The following STARD9 variants were observed in gnomAD, a reference collection of about 807,000 sequenced individuals.
STARD9 encodes StAR related lipid transfer domain containing 9, also known as stAR-related lipid transfer protein 9.
In STARD9, 346 loss-of-function variants were observed where a neutral mutation model predicts 399.8. The observed-to-expected ratio is 0.87, with a 90% CI of 0.79 to 0.95. STARD9 has a LOEUF of 0.95. Among genes scored for constraint, STARD9 ranks in the 40% least tolerant of loss-of-function variants. The pLI is 0.00. For missense variants in STARD9, 5,832 were observed against 5,667.5 expected (o/e 1.03, Z -0.93); for synonymous variants, 2,203 against 2,143.5 (o/e 1.03, Z -0.77).
At chr15:42,713,479 A>AGGAG (rs2061289174) in intron 26 of STARD9, among the ~76,000 whole-genome samples, 1 of 152,154 alleles carries the variant, frequency 6.6e-6, no homozygotes, top group Admixed American at 6.5e-5. Flanking sequence ...TCCTGATTTG[A>AGGAG]GGAGGAAGGT....
At chr15:42,678,099 C>T (rs1250464489) in intron 20 of STARD9, among the ~76,000 whole-genome samples, 5 of 152,214 alleles carry the variant, frequency 3.3e-5, no homozygotes, top group African/African-American at 1.2e-4. Context: ...CTGGGCTGGT[C>T]CTGCCCAGCT....
Position 42,692,289 on chromosome 15 carries a change from A to G in STARD9, c.10711A>G (p.Ile3571Val). Residue 3571 changes from isoleucine (I) to valine (V), a missense_variant, in exon 23 of 33, where the codon ATC (isoleucine) becomes GTC (valine). This residue lies in a region of STARD9 where 5,828 missense variants were observed against 5,651.1 expected (regional missense o/e 1.03). Transcript: ENST00000290607. ...TTCAATTGCCTTAGGAGACCCCCAC[A>G]TCCCGACGAGCCCTGAAGGAGTAGC... ...SSSIALGDPH[I>V]PTSPEGVAPT... The G allele has an allele frequency of 6.5e-7, 1 of 1,537,066 alleles. No homozygotes were observed. The highest frequency in any genetic ancestry group is 8.7e-7 in the Non-Finnish European group (1 of 1,146,912).
chr15:42,603,166 TTTTATTTA>T lies in STARD9; in HGVS notation c.234+17545_234+17552del, dbSNP rs146949636. Among the ~76,000 whole-genome samples, 9 of 152,168 alleles carry T rather than the reference TTTTATTTA, an allele frequency of 5.9e-5. 1 individual carries two copies. The highest frequency in any genetic ancestry group is 1.7e-4 in the African/African-American group (7 of 41,444). On this transcript the variant is annotated intron_variant, in intron 3 of 32. Transcript: ENST00000290607. ...GCCCACTTTCCAGTAAAAATAGACTTTTTATTTATTTATTTATTTATTTTCGAGACAGA... is the reference window on the plus strand; with the variant it reads ...GCCCACTTTCCAGTAAAAATAGACTTTTTATTTATTTATTTTCGAGACAGA...
rs1232998347 is a variant in STARD9 at position 42,694,071 on chromosome 15, G to T, written c.12493G>T (p.Ala4165Ser). ...GGACATGACTGAGGAGGAGCTGGGG[G>T]CCAGCGGTGATCTCAGCTCTGAAAA... The part of the protein sequence containing the change: ...GLDMTEEELG[A>S]SGDLSSEKQE... Residue 4165 changes from alanine (A) to serine (S), a missense_variant, in exon 23 of 33, where the codon GCC (alanine) becomes TCC (serine). Coordinates refer to ENST00000290607, the MANE Select transcript of STARD9 (RefSeq NM_020759.3). 7.2e-6 allele frequency: 11 copies of T among 1,536,878 alleles called. No individual in the cohort carries two copies. In the South Asian group the frequency reaches 1.1e-4, roughly 15 times the overall value.
At chr15:42,602,497 A>G (rs1030699984) in intron 3 of STARD9, among the ~76,000 whole-genome samples, 1 of 152,228 alleles carries the variant, frequency 6.6e-6, no homozygotes, top group Non-Finnish European at 1.5e-5. Context: ...TACACTCCAC[A>G]GTATGGGAGC....
chr15:42,597,157 G>A (rs931271616), intron 3 of STARD9, among the ~76,000 whole-genome samples: 12 of 152,048 alleles, frequency 7.9e-5, no homozygotes, highest in African/African-American at 2.9e-4. Context: ...GTGTAGTGTC[G>A]TGATCATGGC....
At chr15:42,584,547 A>G (rs75974156) in intron 2 of STARD9, among the ~76,000 whole-genome samples, 1,785 of 152,226 alleles carry the variant, frequency 0.012, 39 homozygotes, top group African/African-American at 0.039. Flanking sequence ...CTGGCAGCCT[A>G]ATTCTTCTGT....
Position 42,682,548 on chromosome 15 carries a change from G to A in STARD9, c.2510G>A (p.Cys837Tyr), listed in dbSNP as rs768470777. The A allele has an allele frequency of 7.2e-6, 11 of 1,536,670 alleles. No homozygotes were observed. The South Asian group carries it at 1.3e-4, about 18-fold the overall frequency. ...SCSSLSPQRL[C>Y]SKHMPQLHSI... ...AGTTCTTTGAGCCCCCAAAGACTCTGCAGCAAGCACATGCCCCAGCTACAC... is the reference window on the plus strand; with the variant it reads ...AGTTCTTTGAGCCCCCAAAGACTCTACAGCAAGCACATGCCCCAGCTACAC... The change falls in exon 22 of 33, where the codon TGC (cysteine) becomes TAC (tyrosine). Residue 837 changes from cysteine (C) to tyrosine (Y), a missense_variant. Coordinates refer to ENST00000290607, the MANE Select transcript of STARD9 (RefSeq NM_020759.3).
intron 3 of STARD9, among the ~76,000 whole-genome samples, chr15:42,591,844 A>G (rs985823434): frequency 3.9e-5 from 6 of 152,354 alleles, no homozygotes; most frequent in Non-Finnish European, 7.3e-5. Flanking sequence ...TTAAATGCCT[A>G]TTGATAGCCA....
rs1027750793 is a variant in STARD9 at position 42,695,525 on chromosome 15, A to G, written c.13146+202A>G. The stretch of plus-strand genomic sequence containing the variant: ...TTTCCCCAGGCCACGGCCTGGGAGG[A>G]AGAGGCTTTGGTGTGAGGTGCAGGG... On this transcript the variant is annotated intron_variant, in intron 25 of 32. Transcript: ENST00000290607. 2.0e-5 allele frequency among the ~76,000 whole-genome samples: 3 copies of G among 152,062 alleles called. No individual in the cohort carries two copies. In the South Asian group the frequency reaches 6.2e-4, roughly 32 times the overall value.
In STARD9 at chr15:42,687,852, C is replaced by G. The variant is rs201773846; in HGVS notation, c.6274C>G (p.Gln2092Glu). 1.5e-4 allele frequency: 232 copies of G among 1,537,170 alleles called. No individual in the cohort carries two copies. Among genetic ancestry groups the G allele is most frequent in the Non-Finnish European group, 1.8e-4 (201 of 1,146,988 alleles). ...GTTGGTGTTCCAGGACCAGAAGGAG[C>G]AGGAGAAGACTGACCATGCCTTTAG... ...KELVFQDQKE[Q>E]EKTDHAFRPD... Residue 2092 changes from glutamine to glutamate, a missense_variant, in exon 23 of 33, where the codon CAG (glutamine) becomes GAG (glutamate). Around this residue, in one of 2 missense-constraint regions of STARD9, gnomAD observed 5,828 missense variants for 5,651.1 expected, o/e 1.03. Coordinates refer to ENST00000290607, the MANE Select transcript of STARD9 (RefSeq NM_020759.3).
Position 42,687,161 on chromosome 15 carries a change from CAGCACA to C in STARD9, c.5585_5590del (p.Ser1862_Thr1863del), listed in dbSNP as rs528276071. Reference sequence around the variant, plus strand: ...AGAACAGACATTTTCTCCCCTCTACCAGCACAAAAGTATGTGAATTTGAAAACCAAG... The same window carrying C: ...AGAACAGACATTTTCTCCCCTCTACCAAAGTATGTGAATTTGAAAACCAAG... On this transcript the variant is annotated inframe_deletion, in exon 23 of 33. Coordinates refer to ENST00000290607, the MANE Select transcript of STARD9 (RefSeq NM_020759.3). 2,037 of 1,537,278 alleles carry C rather than the reference CAGCACA, an allele frequency of 1.3e-3. 7 individuals carry two copies. Among genetic ancestry groups the C allele is most frequent in the Non-Finnish European group, 1.4e-3 (1,660 of 1,146,900 alleles).
At chr15:42,625,579 C>G (rs1363070658) in intron 3 of STARD9, among the ~76,000 whole-genome samples, 1 of 151,756 alleles carries the variant, frequency 6.6e-6, no homozygotes, top group Non-Finnish European at 1.5e-5. Flanking sequence ...ATCCACCCAC[C>G]TTGGCCTCCC....
rs192981688 is a variant in STARD9 at position 42,659,166 on chromosome 15, G to T, written c.703-1992G>T. On this transcript the variant is annotated intron_variant, in intron 9 of 32. Transcript: ENST00000290607. ...AAGAAGGAAAAGCAACAGATAGGTA[G>T]AACTTTTTTGCTAAACATACATCTG... Among the ~76,000 whole-genome samples, 6 of 152,194 alleles carry T rather than the reference G, an allele frequency of 3.9e-5. No individual in the cohort carries two copies. In the East Asian group the frequency reaches 1.2e-3, roughly 29 times the overall value.
chr15:42,623,798 T>C (rs1216092278), intron 3 of STARD9, among the ~76,000 whole-genome samples: 1 of 152,246 alleles, frequency 6.6e-6, no homozygotes, highest in Non-Finnish European at 1.5e-5. Flanking sequence ...ATCTCTGTAT[T>C]TCACAGCATA....
chr15:42,697,414 C>A (rs1036829111), intron 26 of STARD9, among the ~76,000 whole-genome samples: 7 of 152,032 alleles, frequency 4.6e-5, no homozygotes, highest in Non-Finnish European at 8.8e-5. Context: ...TTTTTAACAG[C>A]TGAATAGTGT....
At chr15:42,618,808 G>C (rs1284266860) in intron 3 of STARD9, among the ~76,000 whole-genome samples, 1 of 150,616 alleles carries the variant, frequency 6.6e-6, no homozygotes, top group African/African-American at 2.5e-5. Flanking sequence ...TCTTGACCTT[G>C]TGATCCACCT....
Position 42,575,772 on chromosome 15 carries a change from C to T in STARD9, c.47+10C>T. On this transcript the variant is annotated intron_variant, in intron 1 of 32. Coordinates refer to ENST00000290607, the MANE Select transcript of STARD9 (RefSeq NM_020759.3). ...GGCCGCTCAGCAAGAGGTGAGTCTC[C>T]GCGGGAGAGGGCGCCTGAGGCTTCA... The T allele has an allele frequency of 1.3e-6, 2 of 1,536,882 alleles. No homozygotes were observed. Among genetic ancestry groups the T allele is most frequent in the Non-Finnish European group, 1.7e-6 (2 of 1,146,746 alleles).
intron 3 of STARD9, among the ~76,000 whole-genome samples, chr15:42,618,510 A>G (rs2059017752): frequency 6.6e-6 from 1 of 152,144 alleles, no homozygotes; most frequent in Non-Finnish European, 1.5e-5. Flanking sequence ...AGGTTTCCAA[A>G]TATATGGTGC....
Sources: gnomAD v4.1 joint callset for allele counts (sites outside exome capture counted in the v4.1 genomes callset) on GRCh38, gnomAD v4.1.1 for gene constraint, gnomAD v4.1.1 regional missense constraint, MANE v1.5 for transcripts, NCBI Gene and HGNC (gene_info 2026-07-23, HGNC 2026-07-21) for gene names.